POTEF: variants seen among roughly 807,000 people sequenced by gnomAD.
POTEF encodes the protein POTE ankyrin domain family member F, also known as ANKRD26-like family C member 1B.
A neutral mutation model predicts 83.2 loss-of-function variants in POTEF; 20 were observed. The ratio of observed to expected loss-of-function variants is 0.24; its 90% CI spans 0.17 to 0.35. The LOEUF (loss-of-function observed/expected upper bound fraction) is 0.35. POTEF is among the 10% of genes least tolerant of loss of function. POTEF has a pLI of 1.00. For synonymous variants in POTEF, 196 were observed against 446.4 expected (o/e 0.44, Z 7.07); for missense variants, 550 against 1,203.2 (o/e 0.46, Z 8.03).
rs2579497 is a variant in POTEF at position 130,109,848 on chromosome 2, G to A, written c.1055+695C>T. Reference sequence around the variant, plus strand: ...GTCACTTTGTGTGCGGATAAAGTCAGGATGCCCAGCGGCCAGAGCAGGGGG... The same window carrying A: ...GTCACTTTGTGTGCGGATAAAGTCAAGATGCCCAGCGGCCAGAGCAGGGGG... On this transcript the variant is annotated intron_variant, in intron 7 of 16. Transcript: ENST00000409914. 9.2e-4 allele frequency: 140 copies of A among 152,072 alleles called. 5 individuals are homozygous for A. Among genetic ancestry groups the A allele is most frequent in the African/African-American group, 3.2e-3 (129 of 40,898 alleles). The allele number at this position is 152,072 out of a possible 1,614,324, so 9.4% of individuals were successfully genotyped here. A position where few individuals can be genotyped will look rare whatever the true frequency, so the allele number is the denominator to read the frequency against.
chr2:130,105,579 T>G (rs1327659594), intron 8 of POTEF, among the ~76,000 whole-genome samples: 2 of 151,328 alleles, frequency 1.3e-5, no homozygotes, highest in African/African-American at 4.9e-5. Context: ...TCATGCCTGT[T>G]TGCTTACATA....
intron 3 of POTEF, among the ~76,000 whole-genome samples, chr2:130,118,414 T>C (rs1684899638): frequency 1.3e-5 from 2 of 151,124 alleles, no homozygotes; most frequent in Admixed American, 6.6e-5. Context: ...TCTGCAAATA[T>C]GGCCAGGCAC....
intron 9 of POTEF, among the ~76,000 whole-genome samples, chr2:130,100,981 G>T (rs1684355618): frequency 6.7e-6 from 1 of 148,372 alleles, no homozygotes; most frequent in African/African-American, 2.6e-5. Context: ...TTAGCCCAAT[G>T]AAGAAAAAAA....
chr2:130,126,494 C>A (rs577097394), intron 2 of POTEF, among the ~76,000 whole-genome samples: 7 of 152,018 alleles, frequency 4.6e-5, no homozygotes, highest in Non-Finnish European at 7.4e-5. Flanking sequence ...TTTTTTGATT[C>A]TCTGAATAAC....
Position 130,120,626 on chromosome 2 carries a change from T to C in POTEF, c.-93-18A>G. 6.3e-7 allele frequency: 1 copy of C among 1,576,202 alleles called. No homozygotes were observed. The highest frequency in any genetic ancestry group is 8.6e-7 in the Non-Finnish European group (1 of 1,161,170). On this transcript the variant is annotated intron_variant, in intron 2 of 16. Coordinates refer to ENST00000409914, the MANE Select transcript of POTEF (RefSeq NM_001099771.2). ...TTTCCAATCTGTTTGAAGAGAAAAGTCAATCCCAGCCAAAACCTGCCAACC... is the reference window on the plus strand; with the variant it reads ...TTTCCAATCTGTTTGAAGAGAAAAGCCAATCCCAGCCAAAACCTGCCAACC...
At position 130,129,171 on chromosome 2, in the gene POTEF, A is replaced by G. The variant is rs1264303734; in HGVS notation, c.-349T>C. The G allele has an allele frequency of 5.3e-5, 3 of 57,088 alleles. No homozygotes were observed. Among genetic ancestry groups the G allele is most frequent in the African/African-American group, 2.2e-4 (3 of 13,650 alleles). 3.5% of individuals were successfully genotyped at this position (57,088 alleles called of 1,614,324 possible). A position where few individuals can be genotyped will look rare whatever the true frequency, so the allele number is the denominator to read the frequency against. ...CCCAGGGGCTCAGGCTCCAGCCTCC[A>G]GCATGCCGCTCCCTTCTACTCGTCT... On this transcript the variant is annotated 5_prime_UTR_variant, in exon 1 of 17. Coordinates refer to ENST00000409914, the MANE Select transcript of POTEF (RefSeq NM_001099771.2).
intron 8 of POTEF, among the ~76,000 whole-genome samples, chr2:130,105,032 G>A (rs2599850): frequency 6.7e-6 from 1 of 149,564 alleles, no homozygotes; most frequent in Admixed American, 6.7e-5. Context: ...TTCCTCCTTC[G>A]TCCTCACATC....
At chr2:130,104,099 CAGAT>C (rs1256688482) in intron 8 of POTEF, among the ~76,000 whole-genome samples, 63 of 150,012 alleles carry the variant, frequency 4.2e-4, no homozygotes, top group African/African-American at 1.4e-3. Flanking sequence ...GACAAGGTGA[CAGAT>C]AGCTCATGTG....
At chr2:130,108,145 G>A in intron 7 of POTEF, 66 bp from the exon 8 acceptor site, 1 of 1,509,072 alleles carries the variant, frequency 6.6e-7, no homozygotes, top group Non-Finnish European at 8.9e-7. Flanking sequence ...CTTACCAAAT[G>A]TAGAATTATT....
Position 130,115,195 on chromosome 2 carries a change from A to G in POTEF, c.636+19T>C, listed in dbSNP as rs201580636. On this transcript the variant is annotated intron_variant, in intron 4 of 16. Transcript: ENST00000409914. ...GAAATCAAACCCACCTCATGCTGATATAGTTGGCTACTGCATACCTTTATC... is the reference window on the plus strand; with the variant it reads ...GAAATCAAACCCACCTCATGCTGATGTAGTTGGCTACTGCATACCTTTATC... 17,173 of 1,612,228 alleles carry G rather than the reference A, an allele frequency of 0.011. 554 individuals carry two copies. The African/African-American group carries it at 0.12, about 11-fold the overall frequency.
At chr2:130,109,803 T>C (rs974812331) in intron 7 of POTEF, 1 of 151,820 alleles carries the variant, frequency 6.6e-6, no homozygotes, top group African/African-American at 2.4e-5. Flanking sequence ...GTTCTGAATA[T>C]GCGGGGAAGG....
chr2:130,075,090 C>T lies in POTEF; in HGVS notation c.2382G>A (p.Leu794=). Residue 794 remains leucine, a synonymous_variant, in exon 17 of 17, where the codon CTG becomes CTA. Transcript: ENST00000409914. ...CGGGGTGCTCCTCGGGAGCCACACG[C>T]AGCTCGTTGTAGAAGGTGTGGTGCC... is the stretch of plus-strand genomic sequence containing the variant. The part of the protein sequence containing the change: ...KIWHHTFYNE[L]RVAPEEHPVL... 6.2e-7 allele frequency: 1 copy of T among 1,613,768 alleles called. No homozygotes were observed. Among genetic ancestry groups the T allele is most frequent in the Non-Finnish European group, 8.5e-7 (1 of 1,179,950 alleles).
At chr2:130,107,699 T>A (rs1684580565) in intron 8 of POTEF, 2 of 370,962 alleles carry the variant, frequency 5.4e-6, no homozygotes, top group South Asian at 5.2e-5. Context: ...GTGTGCTTCG[T>A]ATGAGAATCT....
At chr2:130,110,819 A>C in intron 6 of POTEF, 139 bp from the exon 7 acceptor site, 1 of 918,740 alleles carries the variant, frequency 1.1e-6, no homozygotes, top group Non-Finnish European at 1.4e-6. Flanking sequence ...CTGAGTGCTC[A>C]AGTGTTCATC....
At chr2:130,113,920 C>T (rs1472328117) in intron 5 of POTEF, among the ~76,000 whole-genome samples, 2 of 151,782 alleles carry the variant, frequency 1.3e-5, no homozygotes, top group African/African-American at 2.4e-5. Flanking sequence ...GAAAACACCA[C>T]ATGATTTTCC....
At chr2:130,114,259 A>G (rs1573612771) in intron 5 of POTEF, among the ~76,000 whole-genome samples, 1 of 151,784 alleles carries the variant, frequency 6.6e-6, no homozygotes, top group Admixed American at 6.6e-5. Context: ...ACCTTGTCTC[A>G]CCATGCAAAG....
At position 130,120,205 on chromosome 2, in the gene POTEF, T is replaced by G; in HGVS notation, c.311A>C (p.His104Pro). ...LRNKMGKWCC[H>P]CFPCCRGSSK... ...GCTCCCCCTGCAGCAGGGGAAGCAG[T>G]GGCAGCACCACTTGCCCATCTTGTT... Residue 104 changes from histidine to proline, a missense_variant, in exon 3 of 17, where the codon CAC becomes CCC. Coordinates refer to ENST00000409914, the MANE Select transcript of POTEF (RefSeq NM_001099771.2). 1 of 1,591,962 alleles carries G rather than the reference T, an allele frequency of 6.3e-7. No homozygotes were observed. The highest frequency in any genetic ancestry group is 8.5e-7 in the Non-Finnish European group (1 of 1,172,672).
At chr2:130,107,982 AAAG>A (rs1558890497) in intron 8 of POTEF, 24 bp downstream of exon 8, 1 of 1,608,796 alleles carries the variant, frequency 6.2e-7, no homozygotes, top group African/African-American at 1.4e-5. Context: ...ACAACTGACT[AAAG>A]TAATTCACTA....
intron 3 of POTEF, among the ~76,000 whole-genome samples, chr2:130,119,142 T>A (rs1246729844): frequency 1.3e-5 from 2 of 151,180 alleles, no homozygotes; most frequent in Non-Finnish European, 2.9e-5. Flanking sequence ...TAGGTAAAAG[T>A]GATAAATAGA....
Sources: allele counts gnomAD v4.1 joint callset (sites outside exome capture counted in the v4.1 genomes callset), GRCh38; gene constraint gnomAD v4.1.1; transcripts MANE v1.5; gene names NCBI Gene and HGNC (gene_info 2026-07-23, HGNC 2026-07-21).